Variants in DLGAP4 observed in about 807,000 individuals in gnomAD.
DLGAP4 encodes disks large-associated protein 4.
In DLGAP4, 18 loss-of-function variants were observed where a neutral mutation model predicts 86.9. The ratio of observed to expected loss-of-function variants is 0.21; its 90% CI spans 0.14 to 0.31. DLGAP4 has a LOEUF of 0.31. Ranked by LOEUF, DLGAP4 falls within the 10% of genes least tolerant of loss-of-function variation. DLGAP4 has a pLI of 1.00. For missense variants in DLGAP4, 1,085 were observed against 1,362.6 expected (o/e 0.80, Z 3.21); for synonymous variants, 548 against 574.3 (o/e 0.95, Z 0.65).
intron 2 of DLGAP4, among the ~76,000 whole-genome samples, chr20:36,412,963 A>C (rs1014029017): frequency 1.4e-5 from 2 of 147,056 alleles, no homozygotes; most frequent in Admixed American, 7.0e-5. Context: ...ACCACTGTTT[A>C]TTCCAGAACT....
chr20:36,340,279 C>T (rs923402486), intron 1 of DLGAP4, among the ~76,000 whole-genome samples: 2 of 152,022 alleles, frequency 1.3e-5, no homozygotes, highest in Non-Finnish European at 2.9e-5. Flanking sequence ...CTGGCTGTTC[C>T]GGAAGTGGAG....
intron 2 of DLGAP4, among the ~76,000 whole-genome samples, chr20:36,402,973 G>C (rs543472944): frequency 6.6e-6 from 1 of 152,302 alleles, no homozygotes; most frequent in African/African-American, 2.4e-5. Flanking sequence ...CTTAAAGAGA[G>C]CACAGAATGA....
chr20:36,361,293 A>C (rs766982599), intron 1 of DLGAP4, among the ~76,000 whole-genome samples: 1 of 152,224 alleles, frequency 6.6e-6, no homozygotes, highest in Non-Finnish European at 1.5e-5. Flanking sequence ...TTGAGCTAAA[A>C]GGTTCTGTGT....
chr20:36,479,314 G>A (rs112117497), intron 7 of DLGAP4, among the ~76,000 whole-genome samples: 2,000 of 152,172 alleles, frequency 0.013, 15 homozygotes, highest in Non-Finnish European at 0.022. Flanking sequence ...CATTTTTAGG[G>A]TGAAATGAGA....
intron 10 of DLGAP4, among the ~76,000 whole-genome samples, chr20:36,523,788 T>C (rs186559333): frequency 2.2e-4 from 33 of 152,202 alleles, no homozygotes; most frequent in Admixed American, 1.7e-3. Context: ...CTCAGCCTCC[T>C]GAGTAGCTGG....
At chr20:36,502,271 C>G (rs2036178981) in intron 10 of DLGAP4, among the ~76,000 whole-genome samples, 1 of 152,108 alleles carries the variant, frequency 6.6e-6, no homozygotes, top group African/African-American at 2.4e-5. Flanking sequence ...GCGTTTTCTT[C>G]TTTTTACATT....
At chr20:36,466,854 G>A (rs2034377212) in intron 7 of DLGAP4, among the ~76,000 whole-genome samples, 1 of 152,186 alleles carries the variant, frequency 6.6e-6, no homozygotes, top group African/African-American at 2.4e-5. Flanking sequence ...GGTTTGGCCA[G>A]TGAACAGTTT....
chr20:36,452,229 G>A (rs1383758406), intron 7 of DLGAP4, among the ~76,000 whole-genome samples: 1 of 151,454 alleles, frequency 6.6e-6, no homozygotes, highest in Non-Finnish European at 1.5e-5. Context: ...CCCAGGCATG[G>A]GTGCAGTGGC....
At chr20:36,466,957 TCTCTCTCTGTCTCTCTC>T (rs2034393068) in intron 7 of DLGAP4, among the ~76,000 whole-genome samples, 3 of 151,268 alleles carry the variant, frequency 2.0e-5, no homozygotes, top group African/African-American at 4.9e-5. Flanking sequence ...TCTCTCTCTC[TCTCTCTCTGTCTCTCTC>T]CTCTCTCTCT....
At chr20:36,458,703 A>T (rs1466482973) in intron 7 of DLGAP4, among the ~76,000 whole-genome samples, 6 of 152,068 alleles carry the variant, frequency 3.9e-5, no homozygotes, top group Non-Finnish European at 7.4e-5. Context: ...GTCTCAAAAT[A>T]AAAAAAAGAA....
At chr20:36,316,618 G>A (rs2065102734) in intron 1 of DLGAP4, among the ~76,000 whole-genome samples, 2 of 152,180 alleles carry the variant, frequency 1.3e-5, no homozygotes, top group African/African-American at 4.8e-5. Flanking sequence ...GGCACAGCTT[G>A]TGAGTGTTAC....
chr20:36,317,745 C>G (rs1018932270), intron 1 of DLGAP4, among the ~76,000 whole-genome samples: 6 of 151,868 alleles, frequency 4.0e-5, no homozygotes, highest in Admixed American at 2.0e-4. Flanking sequence ...CGTGAGCCAC[C>G]GAGCCCAGCA....
chr20:36,344,281 C>T (rs1207688573), intron 1 of DLGAP4, among the ~76,000 whole-genome samples: 1 of 152,190 alleles, frequency 6.6e-6, no homozygotes, highest in Non-Finnish European at 1.5e-5. Context: ...ATTCTTATCC[C>T]CATTTTCGTA....
chr20:36,416,898 T>G (rs897299039), intron 2 of DLGAP4, among the ~76,000 whole-genome samples: 8 of 152,180 alleles, frequency 5.3e-5, no homozygotes, highest in Non-Finnish European at 8.8e-5. Flanking sequence ...TCCCCTCCCT[T>G]TGAGGCTCTG....
At chr20:36,494,187 G>C (rs1244402034) in intron 7 of DLGAP4, among the ~76,000 whole-genome samples, 3 of 152,172 alleles carry the variant, frequency 2.0e-5, no homozygotes, top group African/African-American at 7.2e-5. Flanking sequence ...AAACAGACGA[G>C]TAGGAAGTGA....
At chr20:36,517,236 A>C (rs1357132613) in intron 10 of DLGAP4, among the ~76,000 whole-genome samples, 3 of 151,708 alleles carry the variant, frequency 2.0e-5, no homozygotes, top group African/African-American at 7.3e-5. Flanking sequence ...AAAATCAGCC[A>C]GGCGTGGTGC....
At chr20:36,463,773 G>A (rs6063569) in intron 7 of DLGAP4, among the ~76,000 whole-genome samples, 2 of 152,168 alleles carry the variant, frequency 1.3e-5, no homozygotes, top group Admixed American at 6.5e-5. Flanking sequence ...TAGAGTAGGG[G>A]AACAAAGACC....
rs1467623305 is a variant in DLGAP4, at chr20:36,308,323, C to T, written c.-304+1811C>T. 6.6e-6 allele frequency among the ~76,000 whole-genome samples: 1 copy of T among 152,214 alleles called. No homozygotes were observed. The highest frequency in any genetic ancestry group is 2.4e-5 in the African/African-American group (1 of 41,448). On this transcript the variant is annotated intron_variant, in intron 1 of 12. Transcript: ENST00000339266. The surrounding 1 kb of genome is among the most constrained non-coding windows in gnomAD (Gnocchi z 4.5). Reference sequence around the variant, plus strand: ...AGTGCAATGGCTGACAGGGTCCCCACCTCCAGGAGCCTCTTTTTTGTTGGG... The same window carrying T: ...AGTGCAATGGCTGACAGGGTCCCCATCTCCAGGAGCCTCTTTTTTGTTGGG...
chr20:36,521,458 CTCT>C (rs984991152), intron 10 of DLGAP4, among the ~76,000 whole-genome samples: 39 of 152,318 alleles, frequency 2.6e-4, no homozygotes, highest in Middle Eastern at 3.4e-3. Context: ...TTTATTCCCA[CTCT>C]TCTTTAAACT....
Sources: gnomAD v4.1 joint callset for allele counts (sites outside exome capture counted in the v4.1 genomes callset) on GRCh38, gnomAD v4.1.1 for gene constraint, Gnocchi (gnomAD v3.1) non-coding constraint, MANE v1.5 for transcripts, NCBI Gene and HGNC (gene_info 2026-07-23, HGNC 2026-07-21) for gene names.